ROBO1: variants seen among roughly 807,000 people sequenced by gnomAD.
The protein encoded by ROBO1 is roundabout guidance receptor 1.
Under a neutral mutation model 195.9 loss-of-function variants are expected in ROBO1, and 149 were observed. The observed-to-expected ratio is 0.76, with a 90% CI of 0.67 to 0.87. The LOEUF (loss-of-function observed/expected upper bound fraction) is 0.87. Ranked by LOEUF, ROBO1 falls within the 40% of genes least tolerant of loss-of-function variation. The pLI, the probability that ROBO1 is intolerant of heterozygous loss-of-function variation, is 0.00. For synonymous variants in ROBO1, 816 were observed against 733.2 expected (o/e 1.11, Z -1.82); for missense variants, 1,933 against 2,068.3 (o/e 0.93, Z 1.27).
At chr3:78,919,569 T>C (rs2038824742) in intron 4 of ROBO1, among the ~76,000 whole-genome samples, 1 of 152,192 alleles carries the variant, frequency 6.6e-6, no homozygotes, top group Non-Finnish European at 1.5e-5. Flanking sequence ...ATATCTAGGC[T>C]TTAAAAGATT....
chr3:79,357,696 A>G (rs567700988), intron 2 of ROBO1, among the ~76,000 whole-genome samples: 16 of 152,140 alleles, frequency 1.1e-4, no homozygotes, highest in South Asian at 4.1e-4. Flanking sequence ...AGAACATAAG[A>G]CTTCTAAAAC....
rs1328560479 is a variant in ROBO1 at position 78,597,283 on chromosome 3, T to C, written c.*1630A>G. On this transcript the variant is annotated 3_prime_UTR_variant, in exon 31 of 31. Transcript: ENST00000464233. ...AATAAATAATGTGACAAAATTACTT[T>C]TCTGATTATTGGATTTTCAGTATGC... 1 of 152,600 alleles carries C rather than the reference T, an allele frequency of 6.6e-6. No individual in the cohort carries two copies. The highest frequency in any genetic ancestry group is 1.5e-5 in the Non-Finnish European group (1 of 67,998). The allele number at this position is 152,600 out of a possible 1,614,324, so 9.5% of individuals were successfully genotyped here.
chr3:78,675,340 T>G (rs1285070251), intron 10 of ROBO1, among the ~76,000 whole-genome samples: 1 of 151,976 alleles, frequency 6.6e-6, no homozygotes, highest in Non-Finnish European at 1.5e-5. Flanking sequence ...GAGCACACAG[T>G]TCGCGAGCCG....
chr3:79,237,804 G>C (rs1262737327), intron 2 of ROBO1, among the ~76,000 whole-genome samples: 1 of 152,098 alleles, frequency 6.6e-6, no homozygotes, highest in Admixed American at 6.5e-5. Context: ...AATTTTATCA[G>C]CCAAAGCTCT....
intron 3 of ROBO1, among the ~76,000 whole-genome samples, chr3:79,021,879 C>T (rs534453448): frequency 2.6e-5 from 4 of 152,280 alleles, no homozygotes; most frequent in Admixed American, 1.3e-4. Context: ...CCAGGTTGGT[C>T]TCGATCTCCT....
At chr3:78,897,965 A>C (rs1440314298) in intron 4 of ROBO1, among the ~76,000 whole-genome samples, 3 of 151,848 alleles carry the variant, frequency 2.0e-5, no homozygotes, top group Admixed American at 6.6e-5. Flanking sequence ...AAAATACAAA[A>C]AAAACCCAGA....
chr3:78,659,836 T>TTAGAATGTG lies in ROBO1; in HGVS notation c.2321-38_2321-30dup, dbSNP rs749731589. 5 of 1,583,316 alleles carry TTAGAATGTG rather than the reference T, an allele frequency of 3.2e-6. No individual in the cohort carries two copies. In the Admixed American group the frequency reaches 7.1e-5, roughly 23 times the overall value. ...TTAAATTGTTTTAAAAGGTAGGTTA[T>TTAGAATGTG]TAGAATGTGCTAGAGAACACTGAAA... On this transcript the variant is annotated intron_variant, in intron 16 of 30. Coordinates refer to ENST00000464233, the MANE Select transcript of ROBO1 (RefSeq NM_002941.4).
chr3:79,566,282 C>T (rs558913153), intron 2 of ROBO1, among the ~76,000 whole-genome samples: 6 of 152,178 alleles, frequency 3.9e-5, no homozygotes, highest in African/African-American at 1.4e-4. Context: ...AACTTAGCAT[C>T]GTGTGTCTCA....
chr3:79,087,082 AT>A (rs1454278729), intron 3 of ROBO1, among the ~76,000 whole-genome samples: 2 of 152,112 alleles, frequency 1.3e-5, no homozygotes, highest in African/African-American at 4.8e-5. Context: ...AATATGCAAT[AT>A]TTTTATTGAA....
At chr3:78,961,851 G>A (rs1434933716) in intron 3 of ROBO1, among the ~76,000 whole-genome samples, 3 of 151,846 alleles carry the variant, frequency 2.0e-5, no homozygotes, top group Non-Finnish European at 4.4e-5. Context: ...ACACACTTTT[G>A]TTGTATGTGG....
chr3:79,635,031 A>T (rs1313519497), intron 1 of ROBO1, among the ~76,000 whole-genome samples: 2 of 152,210 alleles, frequency 1.3e-5, no homozygotes, highest in Non-Finnish European at 2.9e-5. Context: ...ATAACAACGT[A>T]TAAGATTGTG....
intron 2 of ROBO1, among the ~76,000 whole-genome samples, chr3:79,493,375 A>C (rs1166757131): frequency 6.6e-6 from 1 of 152,006 alleles, no homozygotes; most frequent in East Asian, 1.9e-4. Context: ...CATAACAGAA[A>C]AACTGATAGG....
intron 8 of ROBO1, among the ~76,000 whole-genome samples, chr3:78,705,565 T>C (rs1056401239): frequency 6.6e-6 from 1 of 152,172 alleles, no homozygotes; most frequent in Non-Finnish European, 1.5e-5. Flanking sequence ...AAGGTTTCTG[T>C]GATGGTGAAT....
chr3:79,532,844 A>G (rs1239166631), intron 2 of ROBO1, among the ~76,000 whole-genome samples: 1 of 152,198 alleles, frequency 6.6e-6, no homozygotes, highest in East Asian at 1.9e-4. Context: ...CCCTGACTCC[A>G]GAAGCCATCT....
intron 2 of ROBO1, among the ~76,000 whole-genome samples, chr3:79,359,275 A>G (rs1253573194): frequency 1.3e-5 from 2 of 151,956 alleles, no homozygotes; most frequent in African/African-American, 4.8e-5. Context: ...CATCAAAAAC[A>G]TACCTCACTC....
At chr3:79,642,935 G>A (rs1945709097) in intron 1 of ROBO1, among the ~76,000 whole-genome samples, 1 of 152,160 alleles carries the variant, frequency 6.6e-6, no homozygotes, top group African/African-American at 2.4e-5. Context: ...TTAATATTGA[G>A]TGTCAACTTG....
intron 2 of ROBO1, among the ~76,000 whole-genome samples, chr3:79,277,817 T>A (rs1347698714): frequency 1.3e-5 from 2 of 151,508 alleles, no homozygotes; most frequent in Non-Finnish European, 2.9e-5. Flanking sequence ...TTGGAAGTCA[T>A]ACCCAGAGTT....
intron 2 of ROBO1, among the ~76,000 whole-genome samples, chr3:79,376,392 T>G (rs1432430859): frequency 2.0e-5 from 3 of 152,214 alleles, no homozygotes; most frequent in Non-Finnish European, 4.4e-5. Context: ...TATTCATCTC[T>G]TCTGTGTTAG....
intron 4 of ROBO1, among the ~76,000 whole-genome samples, chr3:78,771,066 CAAA>C (rs371434665): frequency 7.0e-6 from 1 of 143,040 alleles, no homozygotes; most frequent in Non-Finnish European, 1.5e-5. Context: ...GACCCCATAT[CAAA>C]AAAAAAAAAT....
Sources: gnomAD v4.1 joint callset for allele counts (sites outside exome capture counted in the v4.1 genomes callset) on GRCh38, gnomAD v4.1.1 for gene constraint, MANE v1.5 for transcripts, NCBI Gene and HGNC (gene_info 2026-07-23, HGNC 2026-07-21) for gene names.